The following CCM2 variants were observed in gnomAD, a reference collection of about 807,000 sequenced individuals.
The protein encoded by CCM2 is CCM2 scaffold protein.
Under a neutral mutation model 44.9 loss-of-function variants are expected in CCM2, and 25 were observed. The observed-to-expected ratio is 0.56, with a 90% CI of 0.41 to 0.78. The LOEUF (loss-of-function observed/expected upper bound fraction) is 0.78, where lower values mean the gene tolerates loss of function less well. CCM2 is among the 30% of genes least tolerant of loss of function. CCM2 has a pLI of 0.00. For missense variants in CCM2, 481 were observed against 580.6 expected (o/e 0.83, Z 1.76); for synonymous variants, 219 against 241.1 (o/e 0.91, Z 0.85).
intron 1 of CCM2, among the ~76,000 whole-genome samples, chr7:45,018,949 G>A (rs913719999): frequency 6.6e-6 from 1 of 151,092 alleles, no homozygotes; most frequent in Admixed American, 6.6e-5. Flanking sequence ...TAATAGAAAT[G>A]TGGTTTTGCC....
At chr7:45,058,137 A>G (rs1798350742) in intron 2 of CCM2, among the ~76,000 whole-genome samples, 2 of 152,228 alleles carry the variant, frequency 1.3e-5, no homozygotes, top group South Asian at 4.1e-4. Flanking sequence ...CAGAGAGGTC[A>G]TCTGTCAGCA....
intron 1 of CCM2, among the ~76,000 whole-genome samples, chr7:45,020,914 ATACAGTCTTAT>A (rs1436445295): frequency 6.6e-6 from 1 of 152,134 alleles, no homozygotes; most frequent in Non-Finnish European, 1.5e-5. Context: ...AGCAGTAATA[ATACAGTCTTAT>A]TACCTTGGTA....
At chr7:45,066,065 C>T (rs953864404) in intron 4 of CCM2, among the ~76,000 whole-genome samples, 2 of 152,268 alleles carry the variant, frequency 1.3e-5, no homozygotes, top group East Asian at 1.9e-4. Context: ...ATTATTAGAA[C>T]ACATTGCTAA....
intron 2 of CCM2, 112 bp from the exon 3 acceptor site, chr7:45,063,806 T>C: frequency 1.3e-6 from 1 of 781,172 alleles, no homozygotes; most frequent in Non-Finnish European, 2.3e-6. Flanking sequence ...TGGAGACCCA[T>C]GGGCCTGGTG....
chr7:45,009,075 G>T (rs555199859), intron 1 of CCM2, among the ~76,000 whole-genome samples: 27 of 152,068 alleles, frequency 1.8e-4, no homozygotes, highest in Non-Finnish European at 3.4e-4. Context: ...GCCAAGGCAG[G>T]CAGATCACCT....
chr7:45,015,940 A>G (rs931696295), intron 1 of CCM2, among the ~76,000 whole-genome samples: 3 of 152,238 alleles, frequency 2.0e-5, no homozygotes, highest in Non-Finnish European at 4.4e-5. Flanking sequence ...AAAAGACCGA[A>G]GAAAAGAAAG....
chr7:45,001,896 AGAG>A (rs1041464789), intron 1 of CCM2, among the ~76,000 whole-genome samples: 6 of 152,372 alleles, frequency 3.9e-5, no homozygotes, highest in African/African-American at 1.4e-4. Flanking sequence ...TTTTCTCACT[AGAG>A]GAGATAATCA....
intron 2 of CCM2, among the ~76,000 whole-genome samples, chr7:45,043,508 G>A (rs1393707380): frequency 6.6e-6 from 1 of 151,986 alleles, no homozygotes. Flanking sequence ...AGGCTGGTTT[G>A]ATACTTGAAA....
intron 1 of CCM2, among the ~76,000 whole-genome samples, chr7:45,022,204 T>A (rs914198960): frequency 6.6e-6 from 1 of 151,942 alleles, no homozygotes; most frequent in African/African-American, 2.4e-5. Context: ...AAATGGAGAT[T>A]ATTAATCTGT....
chr7:45,014,061 C>T (rs887799346), intron 1 of CCM2, among the ~76,000 whole-genome samples: 2 of 152,138 alleles, frequency 1.3e-5, no homozygotes, highest in African/African-American at 2.4e-5. Context: ...TATTTTGAAG[C>T]TCAAATTGTC....
At chr7:45,059,587 A>G (rs759102352) in intron 2 of CCM2, among the ~76,000 whole-genome samples, 61 of 152,012 alleles carry the variant, frequency 4.0e-4, no homozygotes, top group Non-Finnish European at 7.6e-4. Context: ...TGTCTCTACA[A>G]AAAATACAAA....
At chr7:45,022,441 G>A (rs1796518159) in intron 1 of CCM2, among the ~76,000 whole-genome samples, 1 of 150,770 alleles carries the variant, frequency 6.6e-6, no homozygotes, top group African/African-American at 2.4e-5. Flanking sequence ...CGAGTAGCTG[G>A]GACTACAGGC....
At chr7:45,008,671 T>C (rs1328884609) in intron 1 of CCM2, among the ~76,000 whole-genome samples, 3 of 152,170 alleles carry the variant, frequency 2.0e-5, no homozygotes, top group African/African-American at 7.2e-5. Flanking sequence ...CAAGGGTACA[T>C]GTTCTTAATG....
intron 6 of CCM2, chr7:45,071,924 C>T: frequency 2.2e-6 from 1 of 454,356 alleles, no homozygotes; most frequent in South Asian, 1.6e-5. Flanking sequence ...ACATATTCAC[C>T]AATTCCAGGG....
At chr7:45,027,903 A>C in intron 1 of CCM2, 2 of 1,156,986 alleles carry the variant, frequency 1.7e-6, no homozygotes, top group Non-Finnish European at 2.5e-6. Context: ...ATTGTGAGCT[A>C]GGGTAGCCCA....
chr7:45,054,910 A>G (rs1440749658), intron 2 of CCM2, among the ~76,000 whole-genome samples: 2 of 152,230 alleles, frequency 1.3e-5, no homozygotes, highest in Non-Finnish European at 2.9e-5. Flanking sequence ...GGAGGCATAC[A>G]TACCGTATCC....
chr7:45,030,533 T>C (rs1168009024), intron 1 of CCM2, among the ~76,000 whole-genome samples: 1 of 152,070 alleles, frequency 6.6e-6, no homozygotes, highest in Non-Finnish European at 1.5e-5. Flanking sequence ...CCTCCCAAGC[T>C]CAAGTGATCC....
At chr7:45,003,728 CAAAAA>C (rs59817510) in intron 1 of CCM2, among the ~76,000 whole-genome samples, 9 of 139,834 alleles carry the variant, frequency 6.4e-5, no homozygotes, top group African/African-American at 2.1e-4. Context: ...ACTCCATCTC[CAAAAA>C]AAAAAAAAAA....
intron 1 of CCM2, among the ~76,000 whole-genome samples, chr7:45,010,644 C>G (rs1047576167): frequency 6.6e-6 from 1 of 152,088 alleles, no homozygotes; most frequent in Non-Finnish European, 1.5e-5. Flanking sequence ...GTCGCACAGA[C>G]TGGAATGCAA....
Sources: gnomAD v4.1 joint callset for allele counts (sites outside exome capture counted in the v4.1 genomes callset) on GRCh38, gnomAD v4.1.1 for gene constraint, MANE v1.5 for transcripts, NCBI Gene and HGNC (gene_info 2026-07-23, HGNC 2026-07-21) for gene names.